The following FAN1 variants were observed in gnomAD, a reference collection of about 807,000 sequenced individuals.
The protein encoded by FAN1 is FANCD2 and FANCI associated nuclease 1, also known as fanconi-associated nuclease 1.
A neutral mutation model predicts 104.9 loss-of-function variants in FAN1; 91 were observed. The ratio of observed to expected loss-of-function variants is 0.87; its 90% CI spans 0.73 to 1.03. The LOEUF (loss-of-function observed/expected upper bound fraction) is 1.03. FAN1 is among the 50% of genes least tolerant of loss of function. The pLI is 0.00. For synonymous variants in FAN1, 478 were observed against 457.6 expected (o/e 1.04, Z -0.57); for missense variants, 1,263 against 1,239.9 (o/e 1.02, Z -0.28).
In FAN1 at chr15:30,943,071, T is replaced by A; in HGVS notation, c.*1509T>A. ...TTGGATGTTTTTGCTTATAGCAAAT[T>A]CCTGCAAAATAAATAAATAAATATT... On this transcript the variant is annotated 3_prime_UTR_variant, in exon 15 of 15. Transcript: ENST00000362065. 1 of 1,525,234 alleles carries A rather than the reference T, an allele frequency of 6.6e-7. No homozygotes were observed. The highest frequency in any genetic ancestry group is 1.4e-5 in the African/African-American group (1 of 71,402). The allele number at this position is 1,525,234 out of a possible 1,614,324, so 94.5% of individuals were successfully genotyped here. A position where few individuals can be genotyped will look rare whatever the true frequency, so the allele number is the denominator to read the frequency against.
chr15:30,933,635 C>A (rs1027225580), intron 13 of FAN1, among the ~76,000 whole-genome samples: 1 of 152,106 alleles, frequency 6.6e-6, no homozygotes, highest in African/African-American at 2.4e-5. Context: ...TCAATTAGGT[C>A]AAGTTGGTTG....
chr15:30,931,762 C>T (rs887227499), intron 13 of FAN1, among the ~76,000 whole-genome samples: 4 of 152,078 alleles, frequency 2.6e-5, no homozygotes, highest in Admixed American at 6.6e-5. Context: ...ATATACTCTT[C>T]GGTTCCATTG....
intron 7 of FAN1, 91 bp from the exon 8 acceptor site, chr15:30,922,144 A>G: frequency 2.0e-6 from 3 of 1,470,970 alleles, no homozygotes; most frequent in Admixed American, 2.2e-5. Context: ...CGCATTATAA[A>G]TAGGCTTTAC....
At chr15:30,907,114 T>G (rs1433351793) in intron 2 of FAN1, among the ~76,000 whole-genome samples, 3 of 152,046 alleles carry the variant, frequency 2.0e-5, no homozygotes, top group African/African-American at 4.8e-5. Context: ...AAGGTTTCTG[T>G]CTGTTGCCCA....
rs1229996211 is a variant in FAN1 at position 30,904,496 on chromosome 15, G to A, written c.-152-16G>A. On this transcript the variant is annotated splice_polypyrimidine_tract_variant and intron_variant, in intron 1 of 14. Transcript: ENST00000362065. ...TCATAAAAATGTTTTTAATTTATAT[G>A]TGTTTCTTCTTGTAGGAAGAAGAAA... 3 of 765,288 alleles carry A rather than the reference G, an allele frequency of 3.9e-6. No homozygotes were observed. The highest frequency in any genetic ancestry group is 6.9e-6 in the Non-Finnish European group (3 of 437,268). The allele number at this position is 765,288 out of a possible 1,614,324, so 47.4% of individuals were successfully genotyped here.
intron 12 of FAN1, among the ~76,000 whole-genome samples, chr15:30,930,243 C>T (rs1294866010): frequency 6.6e-6 from 1 of 151,754 alleles, no homozygotes; most frequent in South Asian, 2.1e-4. Flanking sequence ...TGAGGCCATG[C>T]TGTCGCGTTC....
rs982375064 is a variant in FAN1, at chr15:30,911,350, A to G, written c.1577+535A>G. 9 of 984,986 alleles carry G rather than the reference A, an allele frequency of 9.1e-6. No individual in the cohort carries two copies. In the African/African-American group the frequency reaches 1.2e-4, roughly 13 times the overall value. 61.0% of individuals were successfully genotyped at this position (984,986 alleles called of 1,614,324 possible). ...TTATTTATATAATCAAACTATATCAACTCTAGCCTGGGAATTCACTACTGT... is the reference window on the plus strand; with the variant it reads ...TTATTTATATAATCAAACTATATCAGCTCTAGCCTGGGAATTCACTACTGT... On this transcript the variant is annotated intron_variant, in intron 4 of 14. Coordinates refer to ENST00000362065, the MANE Select transcript of FAN1 (RefSeq NM_014967.5).
At chr15:30,929,584 T>TATTACATATTACATATATAA (rs2062566221) in intron 12 of FAN1, among the ~76,000 whole-genome samples, 187 bp downstream of exon 12, 1 of 133,310 alleles carries the variant, frequency 7.5e-6, no homozygotes, top group African/African-American at 2.9e-5. Flanking sequence ...ATTTATTATA[T>TATTACATATTACATATATAA]TATATATTAT....
chr15:30,908,816 G>A (rs2062037310), intron 3 of FAN1, among the ~76,000 whole-genome samples: 1 of 152,220 alleles, frequency 6.6e-6, no homozygotes, highest in East Asian at 1.9e-4. Flanking sequence ...ATTTCAGCCT[G>A]GGCAACCAGA....
intron 2 of FAN1, 119 bp downstream of exon 2, chr15:30,906,016 C>CTCCCACAGGGTGCTCA: frequency 1.1e-6 from 1 of 915,312 alleles, no homozygotes; most frequent in Non-Finnish European, 1.7e-6. Flanking sequence ...GTTGTGAGCA[C>CTCCCACAGGGTGCTCA]CCTGTGGGAG....
chr15:30,925,933 G>T lies in FAN1; in HGVS notation c.2482G>T (p.Asp828Tyr). The T allele has an allele frequency of 6.2e-7, 1 of 1,614,152 alleles. No individual in the cohort carries two copies. The highest frequency in any genetic ancestry group is 1.1e-5 in the South Asian group (1 of 91,072). Residue 828 changes from aspartate (D) to tyrosine (Y), a missense_variant, in exon 10 of 15, where the codon GAC becomes TAC. Coordinates refer to ENST00000362065, the MANE Select transcript of FAN1 (RefSeq NM_014967.5). ...ALAHYRRSGF[D>Y]QGIHGEGSTF... is the part of the protein sequence containing the mutation. Reference sequence around the variant, plus strand: ...GGCCCATTACAGACGCAGCGGTTTTGACCAGGGTAACTGAGCAGGCTTTCT... The same window carrying T: ...GGCCCATTACAGACGCAGCGGTTTTTACCAGGGTAACTGAGCAGGCTTTCT...
chr15:30,941,640 C>A lies in FAN1; in HGVS notation c.*78C>A. 1 of 1,609,056 alleles carries A rather than the reference C, an allele frequency of 6.2e-7. No homozygotes were observed. Among genetic ancestry groups the A allele is most frequent in the Non-Finnish European group, 8.5e-7 (1 of 1,177,660 alleles). ...CCCGAGGTGTCGGTGTGGTGAGGGCCGCTGGCGTTGAAGTACATCCTGCTC... is the reference window on the plus strand; with the variant it reads ...CCCGAGGTGTCGGTGTGGTGAGGGCAGCTGGCGTTGAAGTACATCCTGCTC... On this transcript the variant is annotated 3_prime_UTR_variant, in exon 15 of 15. Coordinates refer to ENST00000362065, the MANE Select transcript of FAN1 (RefSeq NM_014967.5).
rs1424397357 is a variant in FAN1, at chr15:30,905,482, T to G, written c.819T>G (p.Asn273Lys). The G allele has an allele frequency of 6.2e-7, 1 of 1,614,108 alleles. No individual in the cohort carries two copies. Among genetic ancestry groups the G allele is most frequent in the East Asian group, 2.2e-5 (1 of 44,894 alleles). Residue 273 changes from asparagine to lysine, a missense_variant, in exon 2 of 15, where the codon AAT (asparagine) becomes AAG (lysine). Asn to Lys is a moderately conservative substitution (Grantham distance 94). Coordinates refer to ENST00000362065, the MANE Select transcript of FAN1 (RefSeq NM_014967.5). ...MLFSPDFTLR[N>K]TLKSTSEDSL... ...TCTCACCAGATTTCACTCTTAGGAA[T>G]ACATTAAAGTCTACTTCAGAAGACA...
At chr15:30,935,886 CCT>C (rs776302561) in intron 13 of FAN1, among the ~76,000 whole-genome samples, 61 of 151,954 alleles carry the variant, frequency 4.0e-4, no homozygotes, top group Admixed American at 1.3e-3. Flanking sequence ...GACTATATCC[CCT>C]GATTATACAG....
At position 30,922,252 on chromosome 15, in the gene FAN1, T is replaced by G. The variant is rs534436699; in HGVS notation, c.2070T>G (p.Leu690=). The G allele has an allele frequency of 5.7e-5, 92 of 1,610,298 alleles. No individual in the cohort carries two copies. In the South Asian group the frequency reaches 9.8e-4, roughly 17 times the overall value. Residue 690 remains leucine, a synonymous_variant, in exon 8 of 15, where the codon CTT becomes CTG. Coordinates refer to ENST00000362065, the MANE Select transcript of FAN1 (RefSeq NM_014967.5). The stretch of plus-strand genomic sequence containing the variant: ...TGCAATAGGAAGCCGTCAGAGAACT[T>G]GAAAGCCTTTTGTCTCAGAGAATTT... The part of the protein sequence containing the change: ...LHMYEEAVRE[L]ESLLSQRIYC...
At chr15:30,940,235 G>A (rs535645831) in intron 14 of FAN1, 3 of 985,174 alleles carry the variant, frequency 3.0e-6, no homozygotes, top group East Asian at 2.3e-4. Context: ...AGCTTTGACC[G>A]CTACAGTGGT....
At chr15:30,927,077 T>C in intron 10 of FAN1, 1 of 962,516 alleles carries the variant, frequency 1.0e-6, no homozygotes, top group Non-Finnish European at 1.2e-6. Context: ...TTGGGGAGGC[T>C]GAGACAGGAG....
chr15:30,925,269 T>A lies in FAN1; in HGVS notation c.2315T>A (p.Met772Lys), dbSNP rs1441621097. The A allele has an allele frequency of 6.2e-7, 1 of 1,614,080 alleles. No individual in the cohort carries two copies. The highest frequency in any genetic ancestry group is 8.5e-7 in the Non-Finnish European group (1 of 1,180,008). Reference sequence around the variant, plus strand: ...CACCTCTTCCAGCAGCTCCCAGAAATGGCTGTGCAAGATGTGAAACACGTG... The same window carrying A: ...CACCTCTTCCAGCAGCTCCCAGAAAAGGCTGTGCAAGATGTGAAACACGTG... ...FKHLFQQLPEMAVQDVKHVTI... is the reference protein window; with the variant it reads ...FKHLFQQLPEKAVQDVKHVTI... Residue 772 changes from methionine to lysine, a missense_variant, in exon 9 of 15, where the codon ATG becomes AAG. Physicochemically the swap from Met to Lys is moderately conservative, Grantham distance 95 (BLOSUM62 -1). Coordinates refer to ENST00000362065, the MANE Select transcript of FAN1 (RefSeq NM_014967.5).
chr15:30,925,645 C>G (rs1566925218), intron 9 of FAN1, 144 bp from the exon 10 acceptor site: 1 of 945,212 alleles, frequency 1.1e-6, no homozygotes, highest in Non-Finnish European at 1.6e-6. Context: ...CCCCGCAGTT[C>G]TGCGTGTGTG....
Sources: allele counts gnomAD v4.1 joint callset (sites outside exome capture counted in the v4.1 genomes callset), GRCh38; gene constraint gnomAD v4.1.1; transcripts MANE v1.5; gene names NCBI Gene and HGNC (gene_info 2026-07-23, HGNC 2026-07-21).